The following ANO3 variants were observed in gnomAD, a reference collection of about 807,000 sequenced individuals.
ANO3 encodes the protein anoctamin 3, also known as anoctamin-3.
Under a neutral mutation model 144.8 loss-of-function variants are expected in ANO3, and 99 were observed. The ratio of observed to expected loss-of-function variants is 0.68; its 90% CI spans 0.58 to 0.81. ANO3 has a LOEUF of 0.81. ANO3 is among the 30% of genes least tolerant of loss of function. The pLI, the probability that ANO3 is intolerant of heterozygous loss-of-function variation, is 0.00. For synonymous variants in ANO3, 414 were observed against 392.6 expected (o/e 1.05, Z -0.64); for missense variants, 905 against 1,202.2 (o/e 0.75, Z 3.66).
intron 1 of ANO3, among the ~76,000 whole-genome samples, chr11:26,337,621 T>C (rs1372098811): frequency 6.6e-6 from 1 of 152,232 alleles, no homozygotes; most frequent in Non-Finnish European, 1.5e-5. Context: ...TTCAACCTTC[T>C]CTTCATTATT....
rs138701767 is a variant in ANO3, at chr11:26,229,513, C to T, written c.154+40183C>T. ...GAACTTCGCCAATGACAAAGTATGA[C>T]GTAAATGCTATGAGTAGCTTCTTAG... is the stretch of plus-strand genomic sequence containing the variant. On this transcript the variant is annotated intron_variant, in intron 1 of 27. Coordinates refer to the ANO3 transcript ENST00000672621. Among the ~76,000 whole-genome samples, 102 of 152,288 alleles carry T rather than the reference C, an allele frequency of 6.7e-4. 3 individuals are homozygous for T. The East Asian group carries it at 0.019, about 28-fold the overall frequency.
At chr11:26,566,464 T>C (rs923265478) in intron 14 of ANO3, among the ~76,000 whole-genome samples, 1 of 151,930 alleles carries the variant, frequency 6.6e-6, no homozygotes, top group African/African-American at 2.4e-5. Context: ...AGTATCTAGT[T>C]TGAATTAATA....
Position 26,425,740 on chromosome 11 carries a change from A to G in ANO3, c.47-16178A>G, listed in dbSNP as rs146732459. 5.9e-5 allele frequency among the ~76,000 whole-genome samples: 9 copies of G among 152,220 alleles called. No homozygotes were observed. In the East Asian group the frequency reaches 1.7e-3, roughly 29 times the overall value. ...AGAGAATCAGCACACAAGGTGGGTGAATAGGGAGGGTGGTGGAAGTAAATG... is the reference window on the plus strand; with the variant it reads ...AGAGAATCAGCACACAAGGTGGGTGGATAGGGAGGGTGGTGGAAGTAAATG... On this transcript the variant is annotated intron_variant, in intron 1 of 26. Transcript: ENST00000256737.
chr11:26,357,763 G>A (rs188000792), intron 1 of ANO3, among the ~76,000 whole-genome samples: 197 of 152,120 alleles, frequency 1.3e-3, no homozygotes, highest in Middle Eastern at 3.4e-3. Context: ...TTATAACTGA[G>A]TGTCACAAAT....
chr11:26,514,277 A>C (rs1861779222), intron 5 of ANO3, among the ~76,000 whole-genome samples: 1 of 152,108 alleles, frequency 6.6e-6, no homozygotes, highest in Non-Finnish European at 1.5e-5. Flanking sequence ...ACCAAAGATG[A>C]ATTGAGTAGA....
intron 1 of ANO3, among the ~76,000 whole-genome samples, chr11:26,424,325 ACTT>A (rs1427915561): frequency 7.3e-5 from 11 of 150,800 alleles, no homozygotes; most frequent in Non-Finnish European, 5.9e-5. Flanking sequence ...TTAACATGTC[ACTT>A]CTTCTGAGAA....
At chr11:26,270,987 A>C (rs954840690) in intron 1 of ANO3, among the ~76,000 whole-genome samples, 9 of 152,162 alleles carry the variant, frequency 5.9e-5, no homozygotes, top group Non-Finnish European at 8.8e-5. Context: ...TACTGAAGAG[A>C]GTGGTAGAAG....
intron 24 of ANO3, among the ~76,000 whole-genome samples, chr11:26,650,459 A>AT (rs71449134): frequency 0.66 from 100,098 of 151,856 alleles, 34,393 homozygotes; most frequent in East Asian, 0.82. Flanking sequence ...AGTCGATGCG[A>AT]TTTTTATACT....
At chr11:26,481,298 T>C (rs1478548901) in intron 4 of ANO3, among the ~76,000 whole-genome samples, 1 of 151,926 alleles carries the variant, frequency 6.6e-6, no homozygotes, top group Non-Finnish European at 1.5e-5. Context: ...ATACAGGTGG[T>C]TAGAAATTCA....
Position 26,325,009 on chromosome 11 carries a change from G to T in ANO3, c.-3+15290G>T, listed in dbSNP as rs532083794. Among the ~76,000 whole-genome samples, 354 of 152,226 alleles carry T rather than the reference G, an allele frequency of 2.3e-3. 1 individual carries two copies. Among genetic ancestry groups the T allele is most frequent in the African/African-American group, 7.8e-3 (325 of 41,544 alleles). ...ATTTCCTGGTAACAAAATCTGATTTGGGAACTGGAAAATGCAGTCACTAGA... is the reference window on the plus strand; with the variant it reads ...ATTTCCTGGTAACAAAATCTGATTTTGGAACTGGAAAATGCAGTCACTAGA... On this transcript the variant is annotated intron_variant, in intron 1 of 26. Coordinates refer to the ANO3 transcript ENST00000525139.
chr11:26,321,647 T>C (rs1854764213), intron 1 of ANO3, among the ~76,000 whole-genome samples: 1 of 152,090 alleles, frequency 6.6e-6, no homozygotes, highest in Non-Finnish European at 1.5e-5. Flanking sequence ...GGCCATGTGA[T>C]TCTGGGATGT....
chr11:26,615,394 T>TTATATATATA (rs201511864), intron 17 of ANO3, among the ~76,000 whole-genome samples: 4 of 128,888 alleles, frequency 3.1e-5, no homozygotes, highest in Non-Finnish European at 3.2e-5. Flanking sequence ...TTCTGTCAGT[T>TTATATATATA]TATATATATA....
chr11:26,316,368 G>A (rs1034414212), intron 1 of ANO3, among the ~76,000 whole-genome samples: 3 of 152,144 alleles, frequency 2.0e-5, no homozygotes, highest in African/African-American at 7.2e-5. Context: ...TGGTCCCATG[G>A]GATGAAGTAA....
chr11:26,459,609 C>CATAT (rs369468330), intron 3 of ANO3, among the ~76,000 whole-genome samples: 3 of 149,510 alleles, frequency 2.0e-5, no homozygotes, highest in East Asian at 2.0e-4. Context: ...CACACACATA[C>CATAT]ATATATATAT....
Position 26,599,620 on chromosome 11 carries a change from C to A in ANO3, c.1742C>A (p.Ser581Ter). 1.2e-6 allele frequency: 2 copies of A among 1,614,094 alleles called. No homozygotes were observed. Residue 581 changes from serine to a stop codon, truncating the protein, a stop_gained, in exon 17 of 27, where the codon TCA becomes TAA. Coordinates refer to ENST00000256737, the MANE Select transcript of ANO3 (RefSeq NM_031418.4). LOFTEE classifies it high-confidence loss of function. Reference protein sequence around the residue: ...YRLVVMEQFASFKWNFIKQYW... With the variant: ...YRLVVMEQFA Reference sequence around the variant, plus strand: ...CTGGTTGTCATGGAACAGTTTGCATCATTCAAGTGGAATTTCATCAAACAA... The same window carrying A: ...CTGGTTGTCATGGAACAGTTTGCATAATTCAAGTGGAATTTCATCAAACAA...
chr11:26,491,686 T>G (rs2134107302), intron 4 of ANO3, among the ~76,000 whole-genome samples: 1 of 152,272 alleles, frequency 6.6e-6, no homozygotes, highest in South Asian at 2.1e-4. Context: ...CATAAGAAAT[T>G]TTGCTTTTTG....
At chr11:26,607,402 A>G (rs1280753114) in intron 17 of ANO3, among the ~76,000 whole-genome samples, 1 of 152,128 alleles carries the variant, frequency 6.6e-6, no homozygotes, top group Non-Finnish European at 1.5e-5. Context: ...GATAATATCC[A>G]GAAGTGTGTT....
chr11:26,306,125 A>ATTTTTTTTTT (rs57674074), upstream of ANO3, among the ~76,000 whole-genome samples: 3 of 113,024 alleles, frequency 2.7e-5, no homozygotes, highest in Admixed American at 9.7e-5. Flanking sequence ...AGCCCGGATA[A>ATTTTTTTTTT]TTTTTTTTTT....
intron 3 of ANO3, among the ~76,000 whole-genome samples, chr11:26,454,840 C>G (rs573306400): frequency 0.016 from 2,407 of 151,862 alleles, 73 homozygotes; most frequent in African/African-American, 0.056. Context: ...TACTGGCAAA[C>G]TGAATCCAGC....
Sources: gnomAD v4.1 joint callset for allele counts (sites outside exome capture counted in the v4.1 genomes callset) on GRCh38, gnomAD v4.1.1 for gene constraint, MANE v1.5 for transcripts, NCBI Gene and HGNC (gene_info 2026-07-23, HGNC 2026-07-21) for gene names.